The following CEP192 variants were observed in gnomAD, a reference collection of about 807,000 sequenced individuals.
The protein encoded by CEP192 is centrosomal protein of 192 kDa.
Under a neutral mutation model 271.8 loss-of-function variants are expected in CEP192, and 151 were observed. The observed-to-expected ratio is 0.56, with a 90% CI of 0.49 to 0.64. The LOEUF (loss-of-function observed/expected upper bound fraction) is 0.64, where lower values mean the gene tolerates loss of function less well. CEP192 is among the 30% of genes least tolerant of loss of function. The pLI is 0.00. For synonymous variants in CEP192, 995 were observed against 1,076.5 expected (o/e 0.92, Z 1.48); for missense variants, 2,910 against 3,020.5 (o/e 0.96, Z 0.86).
chr18:13,040,743 T>C, intron 13 of CEP192, 87 bp from the exon 14 acceptor site: 8 of 1,033,556 alleles, frequency 7.7e-6, no homozygotes, highest in Non-Finnish European at 1.1e-5. Context: ...GTCATTTAGC[T>C]GTTTTACCAC....
At position 13,103,568 on chromosome 18, in the gene CEP192, T is replaced by G. The variant is rs748186764; in HGVS notation, c.6931T>G (p.Leu2311Val). The change falls in exon 39 of 45, where the codon TTA becomes GTA. Residue 2311 changes from leucine (L) to valine (V), a missense_variant. Coordinates refer to ENST00000506447, the MANE Select transcript of CEP192 (RefSeq NM_032142.4). ...AGACGTGAAATGGCATCTGTCATCT[T>G]TAGCGCCACCTTATGTCAAGGTCAG... ...TTDVKWHLSS[L>V]APPYVKGVDE... The G allele has an allele frequency of 9.9e-6, 16 of 1,613,798 alleles. No homozygotes were observed. Among genetic ancestry groups the G allele is most frequent in the Non-Finnish European group, 1.2e-5 (14 of 1,179,700 alleles).
chr18:13,023,441 A>G (rs1452865234), intron 9 of CEP192, among the ~76,000 whole-genome samples: 1 of 149,908 alleles, frequency 6.7e-6, no homozygotes, highest in Non-Finnish European at 1.5e-5. Flanking sequence ...GTTTACTGGG[A>G]ATTTTTATCA....
chr18:13,048,991 C>G lies in CEP192; in HGVS notation c.2200C>G (p.Leu734Val). ...EASVNTDPSQ[L>V]AAMIKALSNK... Reference sequence around the variant, plus strand: ...ATCAGTTAATACTGATCCTTCCCAACTTGCTGCAATGATCAAGGCACTTTC... The same window carrying G: ...ATCAGTTAATACTGATCCTTCCCAAGTTGCTGCAATGATCAAGGCACTTTC... Residue 734 changes from leucine to valine, a missense_variant, in exon 16 of 45, where the codon CTT becomes GTT. By Grantham distance (32) the Leu-to-Val change is conservative. Transcript: ENST00000506447. 3 of 1,614,158 alleles carry G rather than the reference C, an allele frequency of 1.9e-6. No individual in the cohort carries two copies. Among genetic ancestry groups the G allele is most frequent in the Non-Finnish European group, 2.5e-6 (3 of 1,180,000 alleles).
At chr18:13,058,709 G>A (rs375985894) in intron 20 of CEP192, 25 of 200,726 alleles carry the variant, frequency 1.2e-4, no homozygotes, top group Admixed American at 6.5e-4. Context: ...GACCTCAGCG[G>A]TTAGCCTGAC....
At chr18:13,105,821 G>A (rs1481545187) in intron 40 of CEP192, among the ~76,000 whole-genome samples, 1 of 152,094 alleles carries the variant, frequency 6.6e-6, no homozygotes, top group Non-Finnish European at 1.5e-5. Flanking sequence ...GAAGAACAGG[G>A]GATAAGCACA....
At chr18:13,069,038 A>C (rs375132931) in intron 25 of CEP192, 47 bp downstream of exon 25, 1 of 1,613,926 alleles carries the variant, frequency 6.2e-7, no homozygotes, top group Non-Finnish European at 8.5e-7. Flanking sequence ...ATTCATGCTG[A>C]TTTCACTTTG....
intron 1 of CEP192, among the ~76,000 whole-genome samples, chr18:12,999,113 G>A (rs970652701): frequency 6.6e-6 from 1 of 151,954 alleles, no homozygotes; most frequent in African/African-American, 2.4e-5. Flanking sequence ...TTCTTTACTA[G>A]ATAAGTTTGT....
intron 38 of CEP192, 46 bp from the exon 39 acceptor site, chr18:13,103,463 C>T (rs780371690): frequency 1.4e-6 from 2 of 1,478,780 alleles, no homozygotes; most frequent in Non-Finnish European, 1.9e-6. Flanking sequence ...TCTGCTTGTT[C>T]TCCAGTCTCT....
chr18:13,104,569 G>A (rs549547180), intron 39 of CEP192, among the ~76,000 whole-genome samples: 2 of 152,230 alleles, frequency 1.3e-5, no homozygotes, highest in South Asian at 2.1e-4. Context: ...CTATGATTAC[G>A]CCACTGCACA....
rs1461619749 is a variant in CEP192, at chr18:13,071,222, A to G, written c.5348+10A>G. ...CTCTAGGTAGAACACAGTAAGTGTC[A>G]AAGACTGACAAATCGTCCACTATTT... is the stretch of plus-strand genomic sequence containing the variant. On this transcript the variant is annotated intron_variant, in intron 28 of 44. Transcript: ENST00000506447. 1 of 1,604,542 alleles carries G rather than the reference A, an allele frequency of 6.2e-7. No individual in the cohort carries two copies. The highest frequency in any genetic ancestry group is 1.7e-5 in the Admixed American group (1 of 58,674).
chr18:13,061,656 A>G (rs982953630), intron 21 of CEP192, among the ~76,000 whole-genome samples: 2 of 152,158 alleles, frequency 1.3e-5, no homozygotes, highest in African/African-American at 2.4e-5. Flanking sequence ...GTGCCATTTT[A>G]TATACTTCTC....
chr18:13,067,616 G>A (rs1358323593), intron 21 of CEP192, among the ~76,000 whole-genome samples: 2 of 152,130 alleles, frequency 1.3e-5, no homozygotes, highest in Non-Finnish European at 2.9e-5. Flanking sequence ...GCTGAATTCT[G>A]TAGTATATTT....
Position 13,068,949 on chromosome 18 carries a change from A to G in CEP192, c.4920A>G (p.Ala1640=). ...TPVLRSVSLR[A]RAGIARIHAP... ...TTCTTAGAAGTGTGAGTCTCCGAGC[A>G]AGAGCAGGAATAGCTAGGATCCATG... Residue 1640 remains alanine, a synonymous_variant, in exon 25 of 45, where the codon GCA becomes GCG. Coordinates refer to ENST00000506447, the MANE Select transcript of CEP192 (RefSeq NM_032142.4). 6.2e-7 allele frequency: 1 copy of G among 1,614,164 alleles called. No homozygotes were observed.
chr18:13,052,907 C>G lies in CEP192; in HGVS notation c.3018-12C>G. 1.3e-6 allele frequency: 2 copies of G among 1,490,516 alleles called. No homozygotes were observed. Among genetic ancestry groups the G allele is most frequent in the African/African-American group, 1.4e-5 (1 of 69,642 alleles). 92.3% of individuals were successfully genotyped at this position (1,490,516 alleles called of 1,614,324 possible). A position where few individuals can be genotyped will look rare whatever the true frequency, so the allele number is the denominator to read the frequency against. ...TGGAGAACTCCAGGTGTGAGCTACT[C>G]TTCTCTTTCAGGTGTGCGTTAGAGT... On this transcript the variant is annotated splice_polypyrimidine_tract_variant and intron_variant, in intron 17 of 44. Coordinates refer to ENST00000506447, the MANE Select transcript of CEP192 (RefSeq NM_032142.4).
chr18:13,116,855 T>C (rs2040456621), intron 43 of CEP192, among the ~76,000 whole-genome samples: 3 of 152,148 alleles, frequency 2.0e-5, no homozygotes, highest in Non-Finnish European at 4.4e-5. Context: ...ATGATCTGCC[T>C]GCCTCGGCCT....
chr18:13,034,221 ATGGG>A (rs2035789468), intron 11 of CEP192, among the ~76,000 whole-genome samples: 1 of 152,162 alleles, frequency 6.6e-6, no homozygotes, highest in Non-Finnish European at 1.5e-5. Context: ...GATGACTAGC[ATGGG>A]TGGGGAGGAA....
chr18:13,087,286 A>T lies in CEP192; in HGVS notation c.5877+9A>T. On this transcript the variant is annotated intron_variant, in intron 31 of 44. Coordinates refer to ENST00000506447, the MANE Select transcript of CEP192 (RefSeq NM_032142.4). ...AGGAAAGAACACAAGAAGTAAGTACAAAAGTTTCTGTGCTAAAAACATCAA... is the reference window on the plus strand; with the variant it reads ...AGGAAAGAACACAAGAAGTAAGTACTAAAGTTTCTGTGCTAAAAACATCAA... 5 of 1,582,908 alleles carry T rather than the reference A, an allele frequency of 3.2e-6. No homozygotes were observed. Among genetic ancestry groups the T allele is most frequent in the Non-Finnish European group, 4.3e-6 (5 of 1,160,218 alleles).
In CEP192 at chr18:13,053,045, C is replaced by T; in HGVS notation, c.3144C>T (p.Ser1048=). The T allele has an allele frequency of 6.2e-7, 1 of 1,613,542 alleles. No individual in the cohort carries two copies. Among genetic ancestry groups the T allele is most frequent in the Non-Finnish European group, 8.5e-7 (1 of 1,179,636 alleles). ...TGACGTATGTGTCTGAACCAGAGAG[C>T]TCCTATCCTACCACAGCCACAGATG... ...SRLTYVSEPE[S]SYPTTATDDA... Residue 1048 remains serine, a synonymous_variant, in exon 18 of 45, where the codon AGC becomes AGT. Transcript: ENST00000506447.
intron 30 of CEP192, among the ~76,000 whole-genome samples, chr18:13,077,562 T>C (rs1452929759): frequency 1.3e-5 from 2 of 152,218 alleles, no homozygotes; most frequent in Non-Finnish European, 2.9e-5. Context: ...TGGGATGTAT[T>C]CTGTGAAGGC....
Sources: gnomAD v4.1 joint callset for allele counts (sites outside exome capture counted in the v4.1 genomes callset) on GRCh38, gnomAD v4.1.1 for gene constraint, MANE v1.5 for transcripts, NCBI Gene and HGNC (gene_info 2026-07-23, HGNC 2026-07-21) for gene names.